Variants in WDR62 observed in about 807,000 individuals in gnomAD.
WDR62 encodes the protein WD repeat domain 62.
A neutral mutation model predicts 160.6 loss-of-function variants in WDR62; 112 were observed. That is an observed-to-expected ratio of 0.70 (90% CI 0.60 to 0.82). The LOEUF (loss-of-function observed/expected upper bound fraction) is 0.82, where lower values mean the gene tolerates loss of function less well. Ranked by LOEUF, WDR62 falls within the 40% of genes least tolerant of loss-of-function variation. WDR62 has a pLI of 0.00. For synonymous variants in WDR62, 792 were observed against 815.1 expected (o/e 0.97, Z 0.48); for missense variants, 1,819 against 1,983.8 (o/e 0.92, Z 1.58).
intron 3 of WDR62, among the ~76,000 whole-genome samples, chr19:36,063,303 G>A (rs1970762541): frequency 6.6e-6 from 1 of 151,896 alleles, no homozygotes; most frequent in Non-Finnish European, 1.5e-5. Context: ...GGGCTGGAGT[G>A]CAGTGGGGCG....
At chr19:36,081,063 C>A (rs980361421) in intron 9 of WDR62, among the ~76,000 whole-genome samples, 1 of 152,132 alleles carries the variant, frequency 6.6e-6, no homozygotes, top group Non-Finnish European at 1.5e-5. Flanking sequence ...GTAGCTGGGA[C>A]TACAGGCATG....
intron 9 of WDR62, chr19:36,073,969 G>A (rs977588709): frequency 4.4e-5 from 15 of 341,430 alleles, no homozygotes; most frequent in Admixed American, 1.9e-4. Flanking sequence ...GAGCTTTGCT[G>A]TGGAGGTCGT....
chr19:36,099,732 G>A, intron 22 of WDR62, 115 bp downstream of exon 22: 5 of 1,053,202 alleles, frequency 4.7e-6, no homozygotes, highest in Non-Finnish European at 7.1e-6. Flanking sequence ...ATGAGATGGT[G>A]AAGGGCAGGA....
intron 18 of WDR62, among the ~76,000 whole-genome samples, chr19:36,092,357 T>C (rs1378884225): frequency 2.7e-5 from 4 of 150,788 alleles, no homozygotes; most frequent in African/African-American, 7.3e-5. Context: ...AATGAGATGA[T>C]ATACATACAT....
At chr19:36,067,782 C>T (rs1195325979) in intron 6 of WDR62, 46 bp from the exon 7 acceptor site, 3 of 1,601,508 alleles carry the variant, frequency 1.9e-6, no homozygotes, top group Non-Finnish European at 2.6e-6. Context: ...TCATGCAGGG[C>T]CCAGCTGTGT....
Position 36,099,478 on chromosome 19 carries a change from G to A in WDR62, c.2600G>A (p.Arg867Gln), listed in dbSNP as rs757558839. The A allele has an allele frequency of 3.0e-5, 49 of 1,613,922 alleles. No individual in the cohort carries two copies. Among genetic ancestry groups the A allele is most frequent in the South Asian group, 1.1e-4 (10 of 91,092 alleles). Residue 867 changes from arginine (R) to glutamine (Q), a missense_variant, in exon 22 of 32, where the codon CGG becomes CAG. Coordinates refer to ENST00000401500, the MANE Select transcript of WDR62 (RefSeq NM_001083961.2). ...CAGCCCCACGGCCGCTGGGCAGAGCGGGCCGGCCAAGAGCCCCTCAAGACC... is the reference window on the plus strand; with the variant it reads ...CAGCCCCACGGCCGCTGGGCAGAGCAGGCCGGCCAAGAGCCCCTCAAGACC... ...SYQPHGRWAE[R>Q]AGQEPLKTIL...
At position 36,066,391 on chromosome 19, in the gene WDR62, C is replaced by T. The variant is rs779093591; in HGVS notation, c.525C>T (p.Tyr175=). 14 of 1,611,500 alleles carry T rather than the reference C, an allele frequency of 8.7e-6. No homozygotes were observed. Among genetic ancestry groups the T allele is most frequent in the Middle Eastern group, 1.6e-4 (1 of 6,084 alleles). ...TGAAGCACATCGTGTCCATGGGCTACCAACATGACATGGTGCTCAACGTCT... is the reference window on the plus strand; with the variant it reads ...TGAAGCACATCGTGTCCATGGGCTATCAACATGACATGGTGCTCAACGTCT... ...PNMKHIVSMG[Y]QHDMVLNVWD... The change falls in exon 5 of 32, where the codon TAC becomes TAT. Residue 175 remains tyrosine, a synonymous_variant. Coordinates refer to ENST00000401500, the MANE Select transcript of WDR62 (RefSeq NM_001083961.2).
chr19:36,055,745 G>A (rs1392463268), intron 1 of WDR62, among the ~76,000 whole-genome samples: 1 of 152,180 alleles, frequency 6.6e-6, no homozygotes, highest in East Asian at 1.9e-4. Context: ...CCTAAATCCT[G>A]AGACAGAAAA....
intron 22 of WDR62, among the ~76,000 whole-genome samples, chr19:36,100,151 T>C (rs1302110843): frequency 1.3e-5 from 2 of 152,214 alleles, no homozygotes; most frequent in African/African-American, 2.4e-5. Flanking sequence ...TAACAATCTC[T>C]TCTGCCCCAG....
In WDR62 at chr19:36,056,161, G is replaced by GA. The variant is rs1393963206; in HGVS notation, c.177+1013_177+1014insA. ...AGCCTGGGCGACAGAGTGAGACTCT[G>GA]TCTCAAAATAAATAAATAAATAAAT... On this transcript the variant is annotated intron_variant, in intron 1 of 31. Transcript: ENST00000401500. 2.0e-5 allele frequency among the ~76,000 whole-genome samples: 3 copies of GA among 152,236 alleles called. No individual in the cohort carries two copies. In the East Asian group the frequency reaches 5.8e-4, roughly 29 times the overall value.
Position 36,101,663 on chromosome 19 carries a change from G to T in WDR62, c.2972-1G>T. On this transcript the variant is annotated splice_acceptor_variant, in intron 24 of 31. Coordinates refer to ENST00000401500, the MANE Select transcript of WDR62 (RefSeq NM_001083961.2). LOFTEE classifies it high-confidence loss of function. The stretch of plus-strand genomic sequence containing the variant: ...CTCCTGACCCCGACTCTGTCCTTCA[G>T]ACTCGGGGGAGTCAGAGGCCGACCT... 8 of 1,550,540 alleles carry T rather than the reference G, an allele frequency of 5.2e-6. No homozygotes were observed. The highest frequency in any genetic ancestry group is 7.0e-6 in the Non-Finnish European group (8 of 1,146,552).
chr19:36,106,735 A>C (rs996362988), downstream of WDR62, among the ~76,000 whole-genome samples: 1 of 152,240 alleles, frequency 6.6e-6, no homozygotes, highest in Non-Finnish European at 1.5e-5. Context: ...GCTGAGGTGC[A>C]AGGAGGAGCA....
chr19:36,071,035 C>G (rs553099730), intron 7 of WDR62: 47 of 168,950 alleles, frequency 2.8e-4, no homozygotes, highest in Non-Finnish European at 4.1e-4. Context: ...TGGTGAAACC[C>G]CATCTCAAAA....
rs776175191 is a variant in WDR62 at position 36,097,020 on chromosome 19, T to C, written c.2468-7T>C. ...GTCCTCTTTTCATGGATTCTGTGTCTTTCCAGATCCTCGTTGCCTGCTAAC... is the reference window on the plus strand; with the variant it reads ...GTCCTCTTTTCATGGATTCTGTGTCCTTCCAGATCCTCGTTGCCTGCTAAC... On this transcript the variant is annotated splice_region_variant and splice_polypyrimidine_tract_variant and intron_variant, in intron 20 of 31. Transcript: ENST00000401500. 3 of 1,611,110 alleles carry C rather than the reference T, an allele frequency of 1.9e-6. No individual in the cohort carries two copies. The highest frequency in any genetic ancestry group is 1.7e-4 in the Middle Eastern group (1 of 6,060).
At chr19:36,099,967 G>A (rs905435365) in intron 22 of WDR62, among the ~76,000 whole-genome samples, 3 of 152,164 alleles carry the variant, frequency 2.0e-5, no homozygotes, top group African/African-American at 4.8e-5. Context: ...TAGTCATAAT[G>A]GGGTCAGGGG....
At chr19:36,069,104 C>CGGCTGGCCG (rs575188551) in intron 7 of WDR62, among the ~76,000 whole-genome samples, 2,415 of 148,854 alleles carry the variant, frequency 0.016, 33 homozygotes, top group Middle Eastern at 0.025. Context: ...CCGGACGGAG[C>CGGCTGGCCG]GGCTGGCCGG....
intron 9 of WDR62, among the ~76,000 whole-genome samples, chr19:36,080,521 G>T (rs1971835994): frequency 6.6e-6 from 1 of 151,242 alleles, no homozygotes; most frequent in Admixed American, 6.6e-5. Context: ...CCGCCTCCCA[G>T]GTTCAAGCAA....
chr19:36,062,675 A>AAAAAAAAC (rs1970717448), intron 3 of WDR62: 1 of 148,846 alleles, frequency 6.7e-6, no homozygotes, highest in African/African-American at 2.5e-5. Context: ...AAAAAAAAAA[A>AAAAAAAAC]CTTAATCAAA....
intron 1 of WDR62, among the ~76,000 whole-genome samples, chr19:36,055,643 A>T (rs1026600416): frequency 3.9e-5 from 6 of 151,928 alleles, no homozygotes; most frequent in African/African-American, 1.2e-4. Context: ...TTCTTAATCC[A>T]TATTGTCACT....
Sources: gnomAD v4.1 joint callset for allele counts (sites outside exome capture counted in the v4.1 genomes callset) on GRCh38, gnomAD v4.1.1 for gene constraint, MANE v1.5 for transcripts, NCBI Gene and HGNC (gene_info 2026-07-23, HGNC 2026-07-21) for gene names.